DPY30: variants seen among roughly 807,000 people sequenced by gnomAD.
DPY30 encodes the protein dpy-30 histone methyltransferase complex regulatory subunit, also known as protein dpy-30 homolog.
DPY30 carries 6 observed loss-of-function variants against 16.2 expected under a neutral mutation model. The ratio of observed to expected loss-of-function variants is 0.37; its 90% CI spans 0.20 to 0.73. DPY30 has a LOEUF of 0.73. DPY30 is among the 30% of genes least tolerant of loss of function. The pLI is 0.51. For synonymous variants in DPY30, 39 were observed against 38.8 expected, an observed-to-expected ratio of 1.00 and a Z score of -0.02; for missense variants, 73 against 113.1, an observed-to-expected ratio of 0.65 and a Z score of 1.61.
At chr2:32,030,777 C>G (rs1025648411) in intron 3 of DPY30, among the ~76,000 whole-genome samples, 1 of 151,896 alleles carries the variant, frequency 6.6e-6, no homozygotes, top group East Asian at 1.9e-4. Flanking sequence ...CTAGCCTGAC[C>G]GACAAAGCAA....
At chr2:32,029,938 A>C (rs1675469697) in intron 3 of DPY30, among the ~76,000 whole-genome samples, 1 of 152,048 alleles carries the variant, frequency 6.6e-6, no homozygotes. Context: ...CTCCAAAAGC[A>C]CCTATTATCT....
chr2:32,034,982 C>G (rs1346393883), intron 3 of DPY30, among the ~76,000 whole-genome samples: 1 of 150,272 alleles, frequency 6.7e-6, no homozygotes, highest in Non-Finnish European at 1.5e-5. Flanking sequence ...GCGACAAGAG[C>G]AAAACTCCAT....
In DPY30 at chr2:32,039,464, C is replaced by A; in HGVS notation, c.-8G>T. The stretch of plus-strand genomic sequence containing the variant: ...CATCTGCTCTGGCTCCATGGCGGAC[C>A]CTGCAAGTCACAGTCCCCGGATACC... On this transcript the variant is annotated 5_prime_UTR_variant, in exon 2 of 5. Coordinates refer to ENST00000342166, the MANE Select transcript of DPY30 (RefSeq NM_001321209.2). 1 of 1,614,056 alleles carries A rather than the reference C, an allele frequency of 6.2e-7. No homozygotes were observed. Among genetic ancestry groups the A allele is most frequent in the Non-Finnish European group, 8.5e-7 (1 of 1,180,026 alleles).
At chr2:32,020,298 G>A (rs1485960839), downstream of DPY30, among the ~76,000 whole-genome samples, 1 of 151,970 alleles carries the variant, frequency 6.6e-6, no homozygotes, top group South Asian at 2.1e-4. Context: ...CCAGGAGTTC[G>A]AGTTCAAGAC....
At chr2:32,022,393 T>G (rs988499860), downstream of DPY30, among the ~76,000 whole-genome samples, 20 of 152,162 alleles carry the variant, frequency 1.3e-4, no homozygotes, top group African/African-American at 4.3e-4. Context: ...ATATGTAGAT[T>G]TGCAGATGTA....
At chr2:32,013,239 G>A (rs1027322499) in intron 5 of DPY30, 1 of 152,108 alleles carries the variant, frequency 6.6e-6, no homozygotes, top group African/African-American at 2.4e-5. Context: ...TCTACTCCTA[G>A]CAACAATCGT....
At chr2:32,024,502 A>T (rs1310187136) in intron 4 of DPY30, among the ~76,000 whole-genome samples, 2 of 152,184 alleles carry the variant, frequency 1.3e-5, no homozygotes, top group African/African-American at 4.8e-5. Flanking sequence ...AAACATGTTT[A>T]AAAAATGTAT....
Sources: allele counts gnomAD v4.1 joint callset (sites outside exome capture counted in the v4.1 genomes callset), GRCh38; gene constraint gnomAD v4.1.1; transcripts MANE v1.5; gene names NCBI Gene and HGNC (gene_info 2026-07-23, HGNC 2026-07-21).